PLEKHB2: variants seen among roughly 807,000 people sequenced by gnomAD.
PLEKHB2 encodes the protein pleckstrin homology domain-containing family B member 2.
In PLEKHB2, 31 loss-of-function variants were observed where a neutral mutation model predicts 36.5. The observed-to-expected ratio is 0.85, with a 90% CI of 0.64 to 1.15. The LOEUF is 1.15. Among genes scored for constraint, PLEKHB2 ranks in the 50% most tolerant of loss-of-function variants. PLEKHB2 has a pLI of 0.00. For synonymous variants in PLEKHB2, 119 were observed against 112.0 expected, an observed-to-expected ratio of 1.06 and a Z score of -0.39; for missense variants, 262 against 295.3, an observed-to-expected ratio of 0.89 and a Z score of 0.83.
chr2:131,106,587 C>T (rs1694759323), intron 1 of PLEKHB2, among the ~76,000 whole-genome samples: 4 of 152,202 alleles, frequency 2.6e-5, no homozygotes, highest in Admixed American at 2.6e-4. Flanking sequence ...TGTGGGAATA[C>T]TGCTGTGACG....
Position 131,148,488 on chromosome 2 carries a change from C to T in PLEKHB2, c.*1715C>T, listed in dbSNP as rs1423421958. 6.6e-6 allele frequency: 1 copy of T among 152,196 alleles called. No individual in the cohort carries two copies. The highest frequency in any genetic ancestry group is 2.4e-5 in the African/African-American group (1 of 41,434). The allele number at this position is 152,196 out of a possible 1,614,324, so 9.4% of individuals were successfully genotyped here. On this transcript the variant is annotated 3_prime_UTR_variant, in exon 8 of 8. Coordinates refer to ENST00000693505, the MANE Select transcript of PLEKHB2 (RefSeq NM_001100623.2). Reference sequence around the variant, plus strand: ...GTCCCTGCCCCACACTCCATATGGTCCTGTTTTCCTGAAAATACACTCCAG... The same window carrying T: ...GTCCCTGCCCCACACTCCATATGGTTCTGTTTTCCTGAAAATACACTCCAG...
intron 5 of PLEKHB2, among the ~76,000 whole-genome samples, chr2:131,131,143 G>T (rs573998915): frequency 3.3e-5 from 5 of 152,316 alleles, no homozygotes; most frequent in African/African-American, 9.6e-5. Flanking sequence ...GGGAAAACGG[G>T]TTTCTTGACC....
At chr2:131,139,340 G>C (rs947464331) in intron 6 of PLEKHB2, among the ~76,000 whole-genome samples, 2 of 152,102 alleles carry the variant, frequency 1.3e-5, no homozygotes, top group Admixed American at 1.3e-4. Context: ...GATTGTAGCT[G>C]TACTTAGCAG....
intron 2 of PLEKHB2, among the ~76,000 whole-genome samples, chr2:131,123,768 C>CA (rs1696789354): frequency 2.7e-4 from 8 of 30,080 alleles, no homozygotes; most frequent in African/African-American, 1.6e-3. Flanking sequence ...CCTGGTCCAC[C>CA]CCCCCCACCC....
chr2:131,135,841 C>T (rs1237740202), intron 6 of PLEKHB2, among the ~76,000 whole-genome samples: 1 of 151,952 alleles, frequency 6.6e-6, no homozygotes, highest in Non-Finnish European at 1.5e-5. Flanking sequence ...ATCTCCTGAC[C>T]TTGTGATCCA....
At chr2:131,120,544 A>C (rs1573553465) in intron 1 of PLEKHB2, 3 of 287,000 alleles carry the variant, frequency 1.0e-5, no homozygotes, top group Non-Finnish European at 2.0e-5. Context: ...CCAGTGCAGC[A>C]CCCCTGCCTG....
chr2:131,138,222 T>C (rs1015917995), intron 6 of PLEKHB2, among the ~76,000 whole-genome samples: 4 of 152,094 alleles, frequency 2.6e-5, no homozygotes, highest in African/African-American at 7.2e-5. Flanking sequence ...TATCTTGATA[T>C]ATAAAAAATT....
chr2:131,137,258 T>C (rs367869646), intron 6 of PLEKHB2, among the ~76,000 whole-genome samples: 11 of 152,330 alleles, frequency 7.2e-5, no homozygotes, highest in African/African-American at 2.6e-4. Context: ...CTTTTTACTT[T>C]TTTTGGCCTA....
At chr2:131,116,504 CT>C (rs1695895173) in intron 1 of PLEKHB2, among the ~76,000 whole-genome samples, 1 of 152,180 alleles carries the variant, frequency 6.6e-6, no homozygotes, top group African/African-American at 2.4e-5. Context: ...CCTCAGAAAG[CT>C]TACAATCATG....
intron 6 of PLEKHB2, among the ~76,000 whole-genome samples, chr2:131,133,680 C>A (rs1282759490): frequency 6.6e-6 from 1 of 152,208 alleles, no homozygotes; most frequent in Non-Finnish European, 1.5e-5. Flanking sequence ...CAAAATCTTC[C>A]TGCTGTGACA....
chr2:131,110,411 C>T (rs1417533735), intron 1 of PLEKHB2, among the ~76,000 whole-genome samples: 4 of 151,378 alleles, frequency 2.6e-5, no homozygotes, highest in African/African-American at 4.9e-5. Flanking sequence ...CCTACTCTGT[C>T]GCCCAGGCTG....
At chr2:131,129,080 T>G (rs1395697941) in intron 4 of PLEKHB2, among the ~76,000 whole-genome samples, 1 of 152,184 alleles carries the variant, frequency 6.6e-6, no homozygotes, top group Non-Finnish European at 1.5e-5. Context: ...ATCCCAGCAC[T>G]TTGGGAGGTC....
rs1004004050 is a variant in PLEKHB2, at chr2:131,135,617, T to G, written c.423+2626T>G. On this transcript the variant is annotated intron_variant, in intron 6 of 7. Transcript: ENST00000693505. The stretch of plus-strand genomic sequence containing the variant: ...AGGGGGGATGTATTCAGTGTTTTTT[T>G]TTGAGATGGAGTCTCGCTCTGTCAC... Among the ~76,000 whole-genome samples, 9 of 152,180 alleles carry G rather than the reference T, an allele frequency of 5.9e-5. No individual in the cohort carries two copies. The East Asian group carries it at 9.7e-4, about 16-fold the overall frequency.
In PLEKHB2 at chr2:131,148,043, ACTCTGAAGG is replaced by A. The variant is rs1247165536; in HGVS notation, c.*1272_*1280del. ...ACTGTGCGGGAGATGCTCTCTCATC[ACTCTGAAGG>A]CCCATCCTGTGCAGAAGTGGGACTC... On this transcript the variant is annotated 3_prime_UTR_variant, in exon 8 of 8. Coordinates refer to ENST00000693505, the MANE Select transcript of PLEKHB2 (RefSeq NM_001100623.2). The A allele has an allele frequency of 2.0e-5, 3 of 152,000 alleles. No individual in the cohort carries two copies. Among genetic ancestry groups the A allele is most frequent in the African/African-American group, 4.8e-5 (2 of 41,334 alleles). 9.4% of individuals were successfully genotyped at this position (152,000 alleles called of 1,614,324 possible).
At chr2:131,133,230 C>T (rs1429108918) in intron 6 of PLEKHB2, among the ~76,000 whole-genome samples, 2 of 152,060 alleles carry the variant, frequency 1.3e-5, no homozygotes, top group Non-Finnish European at 2.9e-5. Flanking sequence ...AAAAATGCAT[C>T]ATGTTAATGA....
At chr2:131,122,877 CG>C (rs1473581125) in intron 2 of PLEKHB2, among the ~76,000 whole-genome samples, 1 of 152,174 alleles carries the variant, frequency 6.6e-6, no homozygotes, top group Non-Finnish European at 1.5e-5. Context: ...TTGGGTTTTG[CG>C]GTCTCAACGT....
At chr2:131,115,156 G>C (rs1695730961) in intron 1 of PLEKHB2, among the ~76,000 whole-genome samples, 1 of 152,028 alleles carries the variant, frequency 6.6e-6, no homozygotes, top group East Asian at 1.9e-4. Context: ...CTTGTGCGGG[G>C]AACTCCCATT....
At chr2:131,130,898 A>C (rs58104035) in intron 5 of PLEKHB2, 138 bp downstream of exon 5, 1 of 646,238 alleles carries the variant, frequency 1.5e-6, no homozygotes, top group African/African-American at 1.9e-5. Context: ...CTCCCACCTC[A>C]GCCTCCCCTT....
intron 5 of PLEKHB2, among the ~76,000 whole-genome samples, chr2:131,132,412 TC>T (rs781685375): frequency 2.6e-5 from 4 of 152,112 alleles, no homozygotes; most frequent in Non-Finnish European, 5.9e-5. Flanking sequence ...GCTCGAGTGA[TC>T]CTTGAGACTT....
Sources: gnomAD v4.1 joint callset for allele counts (sites outside exome capture counted in the v4.1 genomes callset) on GRCh38, gnomAD v4.1.1 for gene constraint, MANE v1.5 for transcripts, NCBI Gene and HGNC (gene_info 2026-07-23, HGNC 2026-07-21) for gene names.